KIF5C: variants seen among roughly 807,000 people sequenced by gnomAD.
The protein encoded by KIF5C is kinesin family member 5C.
A neutral mutation model predicts 125.2 loss-of-function variants in KIF5C; 18 were observed. The observed-to-expected ratio is 0.14, with a 90% CI of 0.10 to 0.21. The LOEUF (loss-of-function observed/expected upper bound fraction) is 0.21. Among genes scored for constraint, KIF5C ranks in the 10% least tolerant of loss-of-function variants. The pLI is 1.00. For missense variants in KIF5C, 780 were observed against 1,183.8 expected (o/e 0.66, Z 5.01); for synonymous variants, 405 against 434.0 (o/e 0.93, Z 0.83).
At chr2:148,981,020 C>A (rs1055758263) in intron 13 of KIF5C, among the ~76,000 whole-genome samples, 2 of 152,006 alleles carry the variant, frequency 1.3e-5, no homozygotes, top group Non-Finnish European at 2.9e-5. Context: ...CCATCCTTTG[C>A]TTAAAATATG....
At chr2:148,907,880 C>G (rs1681178148) in intron 1 of KIF5C, among the ~76,000 whole-genome samples, 1 of 152,208 alleles carries the variant, frequency 6.6e-6, no homozygotes, top group Non-Finnish European at 1.5e-5. Context: ...ACTGGGGCCG[C>G]CCAGCAGGCT....
intron 25 of KIF5C, among the ~76,000 whole-genome samples, chr2:149,021,539 T>C (rs192028071): frequency 3.2e-4 from 49 of 152,200 alleles, no homozygotes; most frequent in African/African-American, 1.1e-3. Context: ...TGCTGATTTA[T>C]GCAAAATATG....
intron 4 of KIF5C, among the ~76,000 whole-genome samples, chr2:148,940,045 G>A (rs1480710810): frequency 6.6e-6 from 1 of 152,022 alleles, no homozygotes; most frequent in Non-Finnish European, 1.5e-5. Flanking sequence ...TTTTTTAGAT[G>A]TAATTAATTT....
rs377221992 is a variant in KIF5C, at chr2:148,991,171, G to T, written c.1878G>T (p.Leu626=). ...NRKMNASERE[L]AACQLLISQH... is the part of the protein sequence containing the mutation. Reference sequence around the variant, plus strand: ...AGATGAATGCCAGCGAGCGGGAGCTGGCAGCCTGCCAGCTGCTCATCTCCC... The same window carrying T: ...AGATGAATGCCAGCGAGCGGGAGCTTGCAGCCTGCCAGCTGCTCATCTCCC... The change falls in exon 16 of 26, where the codon CTG becomes CTT. Residue 626 remains leucine, a synonymous_variant. Transcript: ENST00000435030. 8.1e-6 allele frequency: 13 copies of T among 1,613,588 alleles called. No homozygotes were observed. The highest frequency in any genetic ancestry group is 6.7e-5 in the African/African-American group (5 of 74,908).
chr2:148,977,333 T>TC (rs955067907), intron 12 of KIF5C, among the ~76,000 whole-genome samples: 1 of 152,224 alleles, frequency 6.6e-6, no homozygotes, highest in African/African-American at 2.4e-5. Flanking sequence ...CAGAGTTCAC[T>TC]CCATTTCTCT....
At chr2:148,889,770 C>A (rs1026424066) in intron 1 of KIF5C, among the ~76,000 whole-genome samples, 1 of 152,164 alleles carries the variant, frequency 6.6e-6, no homozygotes, top group Admixed American at 6.6e-5. Context: ...GGGATCCGCA[C>A]GTCTTTAGTT....
intron 18 of KIF5C, chr2:148,998,187 A>G: frequency 2.8e-6 from 2 of 726,726 alleles, no homozygotes; most frequent in Non-Finnish European, 4.4e-6. Flanking sequence ...ATTGGCTTCT[A>G]GGGCCAACTT....
intron 10 of KIF5C, among the ~76,000 whole-genome samples, chr2:148,952,156 A>C (rs1682681013): frequency 6.6e-6 from 1 of 152,170 alleles, no homozygotes. Context: ...CTGCTTATGG[A>C]AAACAAGATC....
chr2:148,946,116 A>G (rs1682515401), intron 7 of KIF5C, among the ~76,000 whole-genome samples: 2 of 152,188 alleles, frequency 1.3e-5, no homozygotes, highest in African/African-American at 4.8e-5. Context: ...TTGTTAGTAT[A>G]TAGAAATGCA....
Position 148,875,586 on chromosome 2 carries a change from A to ATCCCCCTGCCCCCCCCC in KIF5C, c.-27_-26insCTGCCCCCCCCCTCCCC. On this transcript the variant is annotated 5_prime_UTR_variant, in exon 1 of 26. Transcript: ENST00000435030. ...CGTTCCCGGCCCCGGCCCCCCACCC[A>ATCCCCCTGCCCCCCCCC]TCCCCGTGCCCCCTCCCTACCGCCG... 3.7e-6 allele frequency: 1 copy of ATCCCCCTGCCCCCCCCC among 269,942 alleles called. No homozygotes were observed. Among genetic ancestry groups the ATCCCCCTGCCCCCCCCC allele is most frequent in the Non-Finnish European group, 6.5e-6 (1 of 153,604 alleles). The allele number at this position is 269,942 out of a possible 1,614,324, so 16.7% of individuals were successfully genotyped here.
chr2:149,015,860 C>A (rs1175317895), intron 25 of KIF5C, among the ~76,000 whole-genome samples: 1 of 152,188 alleles, frequency 6.6e-6, no homozygotes, highest in Admixed American at 6.5e-5. Flanking sequence ...GTGAATCAGA[C>A]AAGAAGGCTG....
chr2:148,923,756 G>C (rs1225922499), intron 2 of KIF5C, among the ~76,000 whole-genome samples: 1 of 152,030 alleles, frequency 6.6e-6, no homozygotes, highest in African/African-American at 2.4e-5. Context: ...TCTCTAAGCT[G>C]ACATAATTAG....
At position 149,025,745 on chromosome 2, in the gene KIF5C, G is replaced by A. The variant is rs1248995338; in HGVS notation, c.*2675G>A. 1 of 152,384 alleles carries A rather than the reference G, an allele frequency of 6.6e-6. No individual in the cohort carries two copies. Among genetic ancestry groups the A allele is most frequent in the East Asian group, 1.9e-4 (1 of 5,198 alleles). 9.4% of individuals were successfully genotyped at this position (152,384 alleles called of 1,614,324 possible). On this transcript the variant is annotated 3_prime_UTR_variant, in exon 26 of 26. Transcript: ENST00000435030. ...TGGTGGATTGGTAAATTAGGAGAAT[G>A]TTGTTTGAGATATCAAGATTTATGT...
intron 11 of KIF5C, among the ~76,000 whole-genome samples, chr2:148,971,120 C>A (rs6717088): frequency 0.16 from 23,687 of 152,022 alleles, 2,831 homozygotes; most frequent in African/African-American, 0.33. Flanking sequence ...GGATATTTAC[C>A]AAAGTGTTAG....
chr2:148,926,123 T>TC (rs1228777921), intron 2 of KIF5C, among the ~76,000 whole-genome samples: 1 of 152,134 alleles, frequency 6.6e-6, no homozygotes, highest in African/African-American at 2.4e-5. Flanking sequence ...GATCACATCC[T>TC]CCCCCAATTC....
chr2:148,922,034 G>A (rs1465243199), intron 1 of KIF5C, 103 bp from the exon 2 acceptor site: 1 of 672,734 alleles, frequency 1.5e-6, no homozygotes, highest in African/African-American at 1.8e-5. Flanking sequence ...CAGGGTTGGT[G>A]ACTTAGTGCC....
chr2:148,942,068 A>C lies in KIF5C; in HGVS notation c.501+78A>C, dbSNP rs1188151638. 9 of 1,519,458 alleles carry C rather than the reference A, an allele frequency of 5.9e-6. No homozygotes were observed. The African/African-American group carries it at 1.1e-4, about 19-fold the overall frequency. 94.1% of individuals were successfully genotyped at this position (1,519,458 alleles called of 1,614,324 possible). A position where few individuals can be genotyped will look rare whatever the true frequency, so the allele number is the denominator to read the frequency against. ...ATAATAATTATTACATAAGATGTGC[A>C]GAATATTATCTGTAAAGAGCATATA... On this transcript the variant is annotated intron_variant, in intron 6 of 25. Coordinates refer to ENST00000435030, the MANE Select transcript of KIF5C (RefSeq NM_004522.3).
intron 15 of KIF5C, among the ~76,000 whole-genome samples, chr2:148,989,287 G>A (rs1054676384): frequency 1.4e-4 from 21 of 151,712 alleles, no homozygotes; most frequent in Admixed American, 1.2e-3. Flanking sequence ...AGGTTGCTCC[G>A]AATGCCACTA....
chr2:148,935,747 T>G (rs991854504), intron 3 of KIF5C, among the ~76,000 whole-genome samples: 9 of 152,228 alleles, frequency 5.9e-5, no homozygotes, highest in Admixed American at 6.5e-5. Context: ...CTAACATTTA[T>G]TTTAGCCCTT....
Sources: gnomAD v4.1 joint callset for allele counts (sites outside exome capture counted in the v4.1 genomes callset) on GRCh38, gnomAD v4.1.1 for gene constraint, MANE v1.5 for transcripts, NCBI Gene and HGNC (gene_info 2026-07-23, HGNC 2026-07-21) for gene names.